The following ARHGAP15 variants were observed in gnomAD, a reference collection of about 807,000 sequenced individuals.
The protein encoded by ARHGAP15 is rho GTPase-activating protein 15.
A neutral mutation model predicts 63.7 loss-of-function variants in ARHGAP15; 51 were observed. The ratio of observed to expected loss-of-function variants is 0.80; its 90% CI spans 0.64 to 1.01. The LOEUF (loss-of-function observed/expected upper bound fraction) is 1.01, where lower values mean the gene tolerates loss of function less well. Among genes scored for constraint, ARHGAP15 ranks in the 50% least tolerant of loss-of-function variants. The probability of loss-of-function intolerance (pLI) is 0.00; values close to 1 mark genes in which losing one functional copy is unlikely to be tolerated. For synonymous variants in ARHGAP15, 191 were observed against 193.8 expected (o/e 0.99, Z 0.12); for missense variants, 560 against 564.6 (o/e 0.99, Z 0.08).
At chr2:143,231,069 C>CTTTTTTTTTTTTTTTTTTTTTTTTTTTTT (rs914904536) in intron 5 of ARHGAP15, among the ~76,000 whole-genome samples, 1 of 125,420 alleles carries the variant, frequency 8.0e-6, no homozygotes, top group Non-Finnish European at 1.7e-5. Context: ...GATGTAATTC[C>CTTTTTTTTTTTTTTTTTTTTTTTTTTTTT]TTTTTTTTTT....
At chr2:143,567,407 A>G (rs572016862) in intron 11 of ARHGAP15, among the ~76,000 whole-genome samples, 1 of 152,346 alleles carries the variant, frequency 6.6e-6, no homozygotes, top group South Asian at 2.1e-4. Context: ...ACCACAACCC[A>G]GACCCAGGAA....
intron 11 of ARHGAP15, among the ~76,000 whole-genome samples, chr2:143,568,160 A>G (rs1006681324): frequency 1.3e-5 from 2 of 152,216 alleles, no homozygotes; most frequent in Non-Finnish European, 2.9e-5. Context: ...AAAAGCCAAA[A>G]TTGACAAATG....
chr2:143,419,738 T>A (rs962733820), intron 6 of ARHGAP15, among the ~76,000 whole-genome samples: 1 of 152,032 alleles, frequency 6.6e-6, no homozygotes, highest in African/African-American at 2.4e-5. Context: ...AGAGGGATAT[T>A]TTGAGTACTA....
chr2:143,172,823 T>G lies in ARHGAP15; in HGVS notation c.165+17168T>G, dbSNP rs1690846781. Among the ~76,000 whole-genome samples, 3 of 152,230 alleles carry G rather than the reference T, an allele frequency of 2.0e-5. No homozygotes were observed. In the South Asian group the frequency reaches 6.2e-4, roughly 32 times the overall value. On this transcript the variant is annotated intron_variant, in intron 2 of 13. Transcript: ENST00000295095. ...ATAGGGACAATCAATTACGTGAGTT[T>G]GGAGCTCAGAGAATAGATATGCCTT...
intron 12 of ARHGAP15, among the ~76,000 whole-genome samples, chr2:143,666,265 C>T (rs1682175996): frequency 1.4e-5 from 2 of 145,958 alleles, no homozygotes; most frequent in South Asian, 4.5e-4. Flanking sequence ...AATAATGCCG[C>T]ATGTCTACAA....
chr2:143,489,654 G>A (rs981585366), intron 9 of ARHGAP15, among the ~76,000 whole-genome samples: 1 of 151,964 alleles, frequency 6.6e-6, no homozygotes, highest in African/African-American at 2.4e-5. Flanking sequence ...CAAAGACTTA[G>A]AAAAACAATA....
At chr2:143,143,249 G>A (rs1339859906) in intron 1 of ARHGAP15, among the ~76,000 whole-genome samples, 2 of 151,986 alleles carry the variant, frequency 1.3e-5, no homozygotes, top group Non-Finnish European at 2.9e-5. Flanking sequence ...TTCCTGAAAA[G>A]GCAGTTGAAT....
chr2:143,595,282 TTCAACTTTGCTGGCA>T (rs1322097513), intron 11 of ARHGAP15, among the ~76,000 whole-genome samples: 2 of 152,142 alleles, frequency 1.3e-5, no homozygotes, highest in Non-Finnish European at 2.9e-5. Flanking sequence ...TTAAAATATT[TTCAACTTTGCTGGCA>T]TCAGATCCTC....
chr2:143,707,724 G>T (rs1410610568), intron 13 of ARHGAP15, among the ~76,000 whole-genome samples: 1 of 152,202 alleles, frequency 6.6e-6, no homozygotes, highest in Non-Finnish European at 1.5e-5. Flanking sequence ...AGTGTTCAGT[G>T]ATAGGGGAGG....
At chr2:143,311,833 G>C (rs1683461697) in intron 6 of ARHGAP15, among the ~76,000 whole-genome samples, 1 of 152,114 alleles carries the variant, frequency 6.6e-6, no homozygotes, top group Non-Finnish European at 1.5e-5. Flanking sequence ...CGGTTCAACA[G>C]TTCATTAGCC....
chr2:143,202,362 G>C (rs747831413), intron 3 of ARHGAP15, among the ~76,000 whole-genome samples, 160 bp downstream of exon 3: 2 of 152,012 alleles, frequency 1.3e-5, no homozygotes, highest in Non-Finnish European at 2.9e-5. Context: ...CTCTCAAAAC[G>C]TTGCAACAAA....
chr2:143,487,573 G>A, intron 9 of ARHGAP15, 78 bp downstream of exon 9: 4 of 1,416,914 alleles, frequency 2.8e-6, no homozygotes, highest in South Asian at 3.2e-5. Flanking sequence ...CAGCTCTAAA[G>A]GAATATTAGA....
intron 6 of ARHGAP15, among the ~76,000 whole-genome samples, chr2:143,402,900 G>C (rs985435283): frequency 6.6e-6 from 1 of 151,690 alleles, no homozygotes; most frequent in African/African-American, 2.4e-5. Context: ...ACCTGGCTAA[G>C]GACATTTCTA....
intron 13 of ARHGAP15, among the ~76,000 whole-genome samples, chr2:143,709,322 T>C (rs573898986): frequency 6.6e-6 from 1 of 152,248 alleles, no homozygotes; most frequent in Non-Finnish European, 1.5e-5. Context: ...TCAGAGAAAA[T>C]AAAATGTCTT....
At chr2:143,499,098 A>C (rs982678913) in intron 9 of ARHGAP15, among the ~76,000 whole-genome samples, 8 of 152,198 alleles carry the variant, frequency 5.3e-5, no homozygotes, top group Non-Finnish European at 1.2e-4. Flanking sequence ...TATTGACTAA[A>C]AAGTTAAATG....
intron 12 of ARHGAP15, among the ~76,000 whole-genome samples, chr2:143,669,095 A>G (rs1435638833): frequency 6.6e-6 from 1 of 152,254 alleles, no homozygotes; most frequent in Non-Finnish European, 1.5e-5. Flanking sequence ...TTGATTGAGC[A>G]TTTATGGACC....
intron 4 of ARHGAP15, among the ~76,000 whole-genome samples, chr2:143,218,277 CTTTTTTTTTT>C (rs762494225): frequency 1.1e-5 from 1 of 92,034 alleles, no homozygotes; most frequent in African/African-American, 4.2e-5. Context: ...TTTAGTTTTC[CTTTTTTTTTT>C]TTTTTTTTTT....
At chr2:143,213,517 A>C (rs1692634333) in intron 3 of ARHGAP15, among the ~76,000 whole-genome samples, 1 of 146,158 alleles carries the variant, frequency 6.8e-6, no homozygotes, top group African/African-American at 2.8e-5. Context: ...CCGTCTCAAA[A>C]ATAAAATAAA....
rs138062873 is a variant in ARHGAP15, at chr2:143,228,916, G to A, written c.384+248G>A. Among the ~76,000 whole-genome samples, 366 of 152,224 alleles carry A rather than the reference G, an allele frequency of 2.4e-3. 2 individuals carry two copies. Among genetic ancestry groups the A allele is most frequent in the African/African-American group, 8.5e-3 (352 of 41,554 alleles). On this transcript the variant is annotated intron_variant, in intron 5 of 13. Transcript: ENST00000295095. Reference sequence around the variant, plus strand: ...ATGGTGAGCAGCTATGTAGTAATGCGAAGGTAACACTTTAAATTAAGGTGC... The same window carrying A: ...ATGGTGAGCAGCTATGTAGTAATGCAAAGGTAACACTTTAAATTAAGGTGC...
Sources: gnomAD v4.1 joint callset for allele counts (sites outside exome capture counted in the v4.1 genomes callset) on GRCh38, gnomAD v4.1.1 for gene constraint, MANE v1.5 for transcripts, NCBI Gene and HGNC (gene_info 2026-07-23, HGNC 2026-07-21) for gene names.